SPON1: variants seen among roughly 807,000 people sequenced by gnomAD.
SPON1 encodes spondin 1.
A neutral mutation model predicts 111.7 loss-of-function variants in SPON1; 52 were observed. That is an observed-to-expected ratio of 0.47 (90% CI 0.37 to 0.59). The LOEUF (loss-of-function observed/expected upper bound fraction) is 0.59, where lower values mean the gene tolerates loss of function less well. Among genes scored for constraint, SPON1 ranks in the 20% least tolerant of loss-of-function variants. SPON1 has a pLI of 0.00. For synonymous variants in SPON1, 410 were observed against 395.8 expected (o/e 1.04, Z -0.43); for missense variants, 957 against 1,068.5 (o/e 0.90, Z 1.46).
At chr11:14,236,877 G>A (rs1848873214) in intron 6 of SPON1, among the ~76,000 whole-genome samples, 1 of 152,234 alleles carries the variant, frequency 6.6e-6, no homozygotes, top group Non-Finnish European at 1.5e-5. Context: ...GGTCACTGGT[G>A]ACCTTGACGG....
At chr11:13,984,125 G>A (rs1009396127) in intron 2 of SPON1, among the ~76,000 whole-genome samples, 5 of 151,996 alleles carry the variant, frequency 3.3e-5, no homozygotes, top group African/African-American at 1.2e-4. Flanking sequence ...ATATTTGTTG[G>A]GTACATACCA....
At chr11:14,236,234 A>T (rs918062262) in intron 6 of SPON1, among the ~76,000 whole-genome samples, 1 of 152,136 alleles carries the variant, frequency 6.6e-6, no homozygotes, top group Admixed American at 6.6e-5. Flanking sequence ...ATCAGGATGG[A>T]GGCAGGCAGG....
At chr11:14,122,505 T>C (rs1441956469) in intron 5 of SPON1, among the ~76,000 whole-genome samples, 1 of 152,226 alleles carries the variant, frequency 6.6e-6, no homozygotes, top group East Asian at 1.9e-4. Flanking sequence ...ACTCAATCTA[T>C]CTATTCTCTC....
At chr11:14,106,698 T>C (rs557168811) in intron 5 of SPON1, among the ~76,000 whole-genome samples, 1 of 152,324 alleles carries the variant, frequency 6.6e-6, no homozygotes, top group East Asian at 1.9e-4. Context: ...AATCGCAGCA[T>C]AGGCAGCCCT....
intron 6 of SPON1, among the ~76,000 whole-genome samples, chr11:14,163,639 A>G (rs1847993010): frequency 6.6e-6 from 1 of 152,052 alleles, no homozygotes; most frequent in Non-Finnish European, 1.5e-5. Flanking sequence ...TGATTTCAGA[A>G]TTTTACTGTC....
intron 6 of SPON1, among the ~76,000 whole-genome samples, chr11:14,195,446 A>G (rs1848390198): frequency 6.6e-6 from 1 of 152,238 alleles, no homozygotes; most frequent in African/African-American, 2.4e-5. Context: ...TGGAATTATT[A>G]AACACAATAC....
intron 6 of SPON1, among the ~76,000 whole-genome samples, chr11:14,192,766 GAGGTGGGACAGGA>G (rs1554934705): frequency 2.0e-5 from 3 of 150,252 alleles, no homozygotes; most frequent in African/African-American, 7.4e-5. Flanking sequence ...CGTCTGGAAA[GAGGTGGGACAGGA>G]AGTTGTGCCC....
Position 13,990,214 on chromosome 11 carries a change from T to C in SPON1, c.345+7261T>C, listed in dbSNP as rs1002258224. Among the ~76,000 whole-genome samples the C allele has an allele frequency of 3.0e-4, 46 of 152,106 alleles. 1 individual carries two copies. The highest frequency in any genetic ancestry group is 1.2e-4 in the Non-Finnish European group (8 of 68,024). On this transcript the variant is annotated intron_variant, in intron 2 of 15. Transcript: ENST00000576479. Reference sequence around the variant, plus strand: ...TTGTGGTCTCTAAGAACTTGCTTTATGAATCTGAGTGCTCCTGTATTGGGT... The same window carrying C: ...TTGTGGTCTCTAAGAACTTGCTTTACGAATCTGAGTGCTCCTGTATTGGGT...
At chr11:14,041,386 T>C in intron 2 of SPON1, 135 bp from the exon 3 acceptor site, 1 of 1,042,350 alleles carries the variant, frequency 9.6e-7, no homozygotes, top group South Asian at 1.5e-5. Flanking sequence ...AGCACTATTC[T>C]GGTGCCTGGG....
chr11:14,267,667 T>C lies in SPON1; in HGVS notation c.*1980T>C, dbSNP rs1849287303. ...AATGGCTAAGAATGGGTAACATGAC[T>C]CTTGTTGGATTGTTATTTTTTGTTT... On this transcript the variant is annotated 3_prime_UTR_variant, in exon 16 of 16. Transcript: ENST00000576479. 1 of 152,196 alleles carries C rather than the reference T, an allele frequency of 6.6e-6. No homozygotes were observed. The highest frequency in any genetic ancestry group is 1.9e-4 in the East Asian group (1 of 5,202). 9.4% of individuals were successfully genotyped at this position (152,196 alleles called of 1,614,324 possible).
chr11:14,123,470 T>C (rs1554926724), intron 5 of SPON1, among the ~76,000 whole-genome samples: 2 of 152,276 alleles, frequency 1.3e-5, no homozygotes, highest in East Asian at 1.9e-4. Flanking sequence ...CAGTTGAACA[T>C]ATAGTGTTCA....
chr11:14,144,611 C>G (rs1195783889), intron 6 of SPON1, among the ~76,000 whole-genome samples: 3 of 145,336 alleles, frequency 2.1e-5, no homozygotes, highest in Admixed American at 7.0e-5. Flanking sequence ...GCCTGGGTGA[C>G]CGAGTGAGTG....
rs556276433 is a variant in SPON1 at position 14,261,897 on chromosome 11, G to A, written c.1997-815G>A. Among the ~76,000 whole-genome samples the A allele has an allele frequency of 2.0e-5, 3 of 152,254 alleles. No homozygotes were observed. In the South Asian group the frequency reaches 6.2e-4, roughly 32 times the overall value. ...TTTTGCAGATAAGAAAGCTGCCTGAGCTTCCACAGGCGGGATAAAAGAACT... is the reference window on the plus strand; with the variant it reads ...TTTTGCAGATAAGAAAGCTGCCTGAACTTCCACAGGCGGGATAAAAGAACT... On this transcript the variant is annotated intron_variant, in intron 14 of 15. Transcript: ENST00000576479.
At position 14,160,469 on chromosome 11, in the gene SPON1, T is replaced by TTATATATATATATTTA. The variant is rs1273463768; in HGVS notation, c.825+24912_825+24913insATTTATATATATATAT. On this transcript the variant is annotated intron_variant, in intron 6 of 15. Transcript: ENST00000576479. The stretch of plus-strand genomic sequence containing the variant: ...TATATATATATTTATATATATATAT[T>TTATATATATATATTTA]TATATATATATTTATATATATATAT... Among the ~76,000 whole-genome samples, 2 of 16,504 alleles carry TTATATATATATATTTA rather than the reference T, an allele frequency of 1.2e-4. 1 individual carries two copies. The highest frequency in any genetic ancestry group is 1.9e-4 in the Non-Finnish European group (2 of 10,482). 10.8% of individuals were successfully genotyped at this position (16,504 alleles called of 152,430 possible).
Position 14,256,678 on chromosome 11 carries a change from A to T in SPON1, c.1295A>T (p.Glu432Val). 6.2e-7 allele frequency: 1 copy of T among 1,613,678 alleles called. No homozygotes were observed. The highest frequency in any genetic ancestry group is 8.5e-7 in the Non-Finnish European group (1 of 1,179,660). The change falls in exon 10 of 16, where the codon GAA (glutamate) becomes GTA (valine). Residue 432 changes from glutamate to valine, a missense_variant. Around this residue, in one of 5 missense-constraint regions of SPON1, gnomAD observed 549 missense variants for 606.2 expected, o/e 0.91. Transcript: ENST00000576479. ...VDDIVADLAPEEKDEDDTPET... is the reference protein window; with the variant it reads ...VDDIVADLAPVEKDEDDTPET... ...GATATTGTAGCTGACCTGGCTCCAG[A>T]AGAGAAAGATGAAGGTACGTTGTTT...
intron 1 of SPON1, among the ~76,000 whole-genome samples, chr11:13,971,729 A>C (rs1266916003): frequency 6.6e-6 from 1 of 152,068 alleles, no homozygotes; most frequent in Non-Finnish European, 1.5e-5. Flanking sequence ...ACACTTTAGC[A>C]CCTGGTCACA....
At chr11:14,105,181 CTT>C (rs1473245855) in intron 5 of SPON1, among the ~76,000 whole-genome samples, 1 of 151,648 alleles carries the variant, frequency 6.6e-6, no homozygotes, top group Non-Finnish European at 1.5e-5. Flanking sequence ...ATGTTTTATT[CTT>C]TGTTTGCTCA....
At chr11:14,265,437 C>T (rs372483163) in intron 15 of SPON1, 87 bp from the exon 16 acceptor site, 6 of 1,423,512 alleles carry the variant, frequency 4.2e-6, no homozygotes, top group Non-Finnish European at 5.7e-6. Context: ...GGAGCCCAGA[C>T]AAGCACATTT....
intron 5 of SPON1, among the ~76,000 whole-genome samples, chr11:14,131,862 C>CAAATTGTTTTTCCA (rs1418267401): frequency 1.3e-5 from 2 of 152,178 alleles, no homozygotes; most frequent in African/African-American, 4.8e-5. Flanking sequence ...TGTAATGTTG[C>CAAATTGTTTTTCCA]AAATTGTTTT....
Sources: allele counts gnomAD v4.1 joint callset (sites outside exome capture counted in the v4.1 genomes callset), GRCh38; gene constraint gnomAD v4.1.1; regional missense constraint gnomAD v4.1.1; transcripts MANE v1.5; gene names NCBI Gene and HGNC (gene_info 2026-07-23, HGNC 2026-07-21).